Variants in MED12L observed in about 807,000 individuals in gnomAD.
MED12L encodes the protein mediator complex subunit 12L, also known as mediator of RNA polymerase II transcription subunit 12-like protein.
In MED12L, 60 loss-of-function variants were observed where a neutral mutation model predicts 281.3. The observed-to-expected ratio is 0.21, with a 90% confidence interval of 0.17 to 0.26. The LOEUF (loss-of-function observed/expected upper bound fraction) is 0.26. Among genes scored for constraint, MED12L ranks in the 10% least tolerant of loss-of-function variants. The probability of loss-of-function intolerance (pLI) is 1.00; values close to 1 mark genes in which losing one functional copy is unlikely to be tolerated. For synonymous variants in MED12L, 974 were observed against 987.2 expected, an observed-to-expected ratio of 0.99 and a Z score of 0.25; for missense variants, 2,146 against 2,680.9, an observed-to-expected ratio of 0.80 and a Z score of 4.41.
intron 16 of MED12L, among the ~76,000 whole-genome samples, chr3:151,274,554 T>G (rs967678552): frequency 2.0e-5 from 3 of 152,244 alleles, no homozygotes; most frequent in Non-Finnish European, 4.4e-5. Flanking sequence ...TTAACTGAAC[T>G]AAGTATCATT....
At chr3:151,181,494 T>C (rs1560127100) in intron 11 of MED12L, among the ~76,000 whole-genome samples, 1 of 149,900 alleles carries the variant, frequency 6.7e-6, no homozygotes, top group Non-Finnish European at 1.5e-5. Flanking sequence ...CAAGTAATCC[T>C]CCTGAGCTCA....
intron 16 of MED12L, among the ~76,000 whole-genome samples, chr3:151,324,317 G>A (rs1400518536): frequency 6.6e-6 from 1 of 152,132 alleles, no homozygotes; most frequent in African/African-American, 2.4e-5. Flanking sequence ...GTTCTTGTTA[G>A]CCTCTAGGTC....
rs367692964 is a variant in MED12L at position 151,390,124 on chromosome 3, C to T, written c.5597C>T (p.Ser1866Phe). 156 of 1,613,944 alleles carry T rather than the reference C, an allele frequency of 9.7e-5. 1 individual carries two copies. Among genetic ancestry groups the T allele is most frequent in the Non-Finnish European group, 1.3e-4 (150 of 1,179,940 alleles). The change falls in exon 38 of 45, where the codon TCT (serine) becomes TTT (phenylalanine). Residue 1866 changes from serine to phenylalanine, a missense_variant. Coordinates refer to ENST00000687756, the MANE Select transcript of MED12L (RefSeq NM_001393769.1). ...QQPGFFLQNQ[S>F]LTPGGSRLDP... The stretch of plus-strand genomic sequence containing the variant: ...CCCGGCTTTTTCCTTCAGAACCAAT[C>T]TCTTACTCCAGGTATGTGATGAGAA...
At chr3:151,147,414 C>T (rs916904982) in intron 5 of MED12L, among the ~76,000 whole-genome samples, 3 of 152,144 alleles carry the variant, frequency 2.0e-5, no homozygotes, top group South Asian at 2.1e-4. Context: ...TTAAAGTCTA[C>T]GGTCAGTGTT....
chr3:151,312,256 A>T (rs1747649454), intron 16 of MED12L, among the ~76,000 whole-genome samples: 2 of 152,198 alleles, frequency 1.3e-5, no homozygotes, highest in Non-Finnish European at 2.9e-5. Context: ...TACAGTCTAG[A>T]GGCAACAGAT....
At chr3:151,367,274 T>A (rs1755401613) in intron 23 of MED12L, among the ~76,000 whole-genome samples, 1 of 152,238 alleles carries the variant, frequency 6.6e-6, no homozygotes, top group Non-Finnish European at 1.5e-5. Flanking sequence ...TCCTGGTTTT[T>A]CCCTGCCTTC....
intron 16 of MED12L, among the ~76,000 whole-genome samples, chr3:151,319,661 T>G: frequency 6.6e-6 from 1 of 152,208 alleles, no homozygotes; most frequent in East Asian, 1.9e-4. Flanking sequence ...TTACTGTTTT[T>G]CACATATACT....
At chr3:151,342,022 G>A (rs1751914687) in intron 16 of MED12L, among the ~76,000 whole-genome samples, 1 of 152,092 alleles carries the variant, frequency 6.6e-6, no homozygotes, top group South Asian at 2.1e-4. Flanking sequence ...ATTATGAATA[G>A]TGCCGCAATA....
chr3:151,228,365 G>A (rs984805233), intron 16 of MED12L, among the ~76,000 whole-genome samples: 1 of 152,190 alleles, frequency 6.6e-6, no homozygotes, highest in African/African-American at 2.4e-5. Flanking sequence ...CAAATACCTG[G>A]TGTGAGGCAG....
chr3:151,201,136 A>G (rs1382354306), intron 16 of MED12L: 1 of 152,140 alleles, frequency 6.6e-6, no homozygotes, highest in East Asian at 1.9e-4. Context: ...GAAATAAACT[A>G]TTTTTAACTT....
chr3:151,326,336 T>C (rs1300331926), intron 16 of MED12L: 1 of 152,616 alleles, frequency 6.6e-6, no homozygotes, highest in African/African-American at 2.4e-5. Context: ...CATTTATTGA[T>C]TGCACAATGA....
intron 43 of MED12L, among the ~76,000 whole-genome samples, chr3:151,417,598 GC>G (rs774787290): frequency 1.4e-5 from 2 of 143,830 alleles, no homozygotes; most frequent in African/African-American, 2.6e-5. Flanking sequence ...CAATTCTCCT[GC>G]CTCAGCCTCC....
intron 27 of MED12L, among the ~76,000 whole-genome samples, chr3:151,375,211 T>C (rs1166294771): frequency 6.6e-6 from 1 of 152,228 alleles, no homozygotes; most frequent in Non-Finnish European, 1.5e-5. Context: ...ATGTGGGCCC[T>C]GGGCATGGAA....
intron 37 of MED12L, 140 bp downstream of exon 37, chr3:151,388,312 T>G: frequency 1.0e-6 from 1 of 988,298 alleles, no homozygotes; most frequent in Non-Finnish European, 1.4e-6. Context: ...GTTTCTGCAT[T>G]AACTGAATGG....
chr3:151,242,613 C>T (rs1350233163), intron 16 of MED12L, among the ~76,000 whole-genome samples: 1 of 152,214 alleles, frequency 6.6e-6, no homozygotes, highest in African/African-American at 2.4e-5. Context: ...AAAAACCCAT[C>T]TGTACATCAC....
intron 39 of MED12L, among the ~76,000 whole-genome samples, chr3:151,395,093 T>TAAAACAAAA (rs1258122426): frequency 3.9e-5 from 6 of 152,324 alleles, no homozygotes; most frequent in Middle Eastern, 3.4e-3. Flanking sequence ...TTATTAAAAG[T>TAAAACAAAA]ATACCTTAAA....
intron 43 of MED12L, among the ~76,000 whole-genome samples, chr3:151,426,453 T>C (rs1046705003): frequency 1.3e-5 from 2 of 152,172 alleles, no homozygotes; most frequent in African/African-American, 4.8e-5. Context: ...AAATTGCATC[T>C]GGGGCCTATT....
At chr3:151,194,536 G>A (rs1724397454) in intron 16 of MED12L, among the ~76,000 whole-genome samples, 1 of 152,156 alleles carries the variant, frequency 6.6e-6, no homozygotes, top group African/African-American at 2.4e-5. Context: ...CAAAGAATGA[G>A]TATTGGAGAG....
chr3:151,105,984 A>G (rs867596693), intron 2 of MED12L, among the ~76,000 whole-genome samples: 25 of 152,074 alleles, frequency 1.6e-4, no homozygotes, highest in African/African-American at 6.0e-4. Context: ...ATCAACGTAA[A>G]TCCTGTTGGG....
Sources: allele counts gnomAD v4.1 joint callset (sites outside exome capture counted in the v4.1 genomes callset), GRCh38; gene constraint gnomAD v4.1.1; transcripts MANE v1.5; gene names NCBI Gene and HGNC (gene_info 2026-07-23, HGNC 2026-07-21).